The following SDK1 variants were observed in gnomAD, a reference collection of about 807,000 sequenced individuals.
The protein encoded by SDK1 is protein sidekick-1.
Under a neutral mutation model 245.5 loss-of-function variants are expected in SDK1, and 157 were observed. The observed-to-expected ratio is 0.64, with a 90% confidence interval of 0.56 to 0.73. The LOEUF is 0.73. SDK1 is among the 30% of genes least tolerant of loss of function. The probability of loss-of-function intolerance (pLI) is 0.00; values close to 1 mark genes in which losing one functional copy is unlikely to be tolerated. For synonymous variants in SDK1, 1,647 were observed against 1,278.5 expected, an observed-to-expected ratio of 1.29 and a Z score of -6.15; for missense variants, 3,583 against 3,002.3, an observed-to-expected ratio of 1.19 and a Z score of -4.52.
chr7:4,181,321 G>C (rs60726763), intron 35 of SDK1, among the ~76,000 whole-genome samples: 1 of 152,052 alleles, frequency 6.6e-6, no homozygotes, highest in Non-Finnish European at 1.5e-5. Context: ...TGCATTTACC[G>C]CATCTGGTGT....
chr7:3,470,555 A>G (rs924567136), intron 1 of SDK1, among the ~76,000 whole-genome samples: 1 of 152,216 alleles, frequency 6.6e-6, no homozygotes, highest in Non-Finnish European at 1.5e-5. Context: ...TTAGTCAGTA[A>G]GAAAACCTTG....
intron 4 of SDK1, among the ~76,000 whole-genome samples, chr7:3,791,717 A>T (rs1940279408): frequency 6.6e-6 from 1 of 152,250 alleles, no homozygotes; most frequent in Non-Finnish European, 1.5e-5. Context: ...CAGTTTGTGA[A>T]ATTGACCTTA....
intron 42 of SDK1, among the ~76,000 whole-genome samples, chr7:4,238,667 G>A (rs1401606007): frequency 6.6e-6 from 1 of 151,576 alleles, no homozygotes; most frequent in East Asian, 1.9e-4. Flanking sequence ...GCCTGCCTCA[G>A]CCTCCCCAGT....
intron 5 of SDK1, among the ~76,000 whole-genome samples, chr7:3,821,919 A>G (rs1779657011): frequency 6.6e-6 from 1 of 152,230 alleles, no homozygotes; most frequent in African/African-American, 2.4e-5. Context: ...CCATGAACCT[A>G]AATCAGGACT....
At chr7:3,798,852 T>C (rs973040510) in intron 4 of SDK1, among the ~76,000 whole-genome samples, 5 of 152,224 alleles carry the variant, frequency 3.3e-5, no homozygotes, top group Non-Finnish European at 7.3e-5. Flanking sequence ...AAATTTTGCG[T>C]AGATACTTGG....
chr7:4,073,560 T>C (rs559267516), intron 20 of SDK1, among the ~76,000 whole-genome samples: 1 of 152,302 alleles, frequency 6.6e-6, no homozygotes, highest in East Asian at 1.9e-4. Context: ...AAAAACAGCT[T>C]TTAAACAAAT....
At chr7:3,794,796 G>T (rs1778921723) in intron 4 of SDK1, among the ~76,000 whole-genome samples, 1 of 152,144 alleles carries the variant, frequency 6.6e-6, no homozygotes, top group Non-Finnish European at 1.5e-5. Flanking sequence ...ATGCATCCAT[G>T]CTCTACGTGG....
chr7:3,637,838 TGA>T (rs1782515321), intron 2 of SDK1, among the ~76,000 whole-genome samples: 1 of 152,250 alleles, frequency 6.6e-6, no homozygotes, highest in Admixed American at 6.5e-5. Flanking sequence ...TACATTGTGC[TGA>T]GAGATGTCCA....
intron 1 of SDK1, among the ~76,000 whole-genome samples, chr7:3,557,517 C>T (rs1779625607): frequency 6.6e-6 from 1 of 152,150 alleles, no homozygotes; most frequent in African/African-American, 2.4e-5. Flanking sequence ...TGGTGATGGA[C>T]ACAGGAACCC....
intron 4 of SDK1, among the ~76,000 whole-genome samples, chr7:3,649,772 C>T (rs1745716208): frequency 6.6e-6 from 1 of 152,100 alleles, no homozygotes; most frequent in Non-Finnish European, 1.5e-5. Context: ...TAAGTCCACA[C>T]CGTTCCACCG....
chr7:3,586,290 G>A (rs996337502), intron 1 of SDK1, among the ~76,000 whole-genome samples: 24 of 152,180 alleles, frequency 1.6e-4, no homozygotes, highest in Middle Eastern at 3.4e-3. Context: ...GCCCGCCCTA[G>A]GCCAGGAGTC....
intron 1 of SDK1, among the ~76,000 whole-genome samples, chr7:3,343,314 A>T (rs963213909): frequency 1.3e-5 from 2 of 152,244 alleles, no homozygotes. Context: ...GTACTTCTGT[A>T]TCATGATTAC....
intron 17 of SDK1, among the ~76,000 whole-genome samples, chr7:4,028,765 T>C (rs940713267): frequency 1.3e-5 from 2 of 152,106 alleles, no homozygotes; most frequent in Non-Finnish European, 2.9e-5. Flanking sequence ...TCAAGATGAA[T>C]GAGATTTTTG....
intron 1 of SDK1, among the ~76,000 whole-genome samples, chr7:3,589,916 G>C (rs546206969): frequency 1.3e-5 from 2 of 152,160 alleles, no homozygotes; most frequent in Non-Finnish European, 2.9e-5. Flanking sequence ...ATAACAGATG[G>C]AATATTGAGG....
chr7:3,437,378 A>G (rs1293888496), intron 1 of SDK1, among the ~76,000 whole-genome samples: 1 of 152,234 alleles, frequency 6.6e-6, no homozygotes, highest in Non-Finnish European at 1.5e-5. Context: ...TTTTAGCATA[A>G]TGTCACTAAT....
intron 1 of SDK1, among the ~76,000 whole-genome samples, chr7:3,507,414 T>G (rs1782427722): frequency 6.6e-6 from 1 of 152,184 alleles, no homozygotes; most frequent in South Asian, 2.1e-4. Flanking sequence ...TGTGCTTTTT[T>G]GGGGTAGCCA....
chr7:4,013,413 G>A (rs1444830886), intron 16 of SDK1, among the ~76,000 whole-genome samples: 1 of 152,190 alleles, frequency 6.6e-6, no homozygotes, highest in African/African-American at 2.4e-5. Flanking sequence ...GTGATATTGG[G>A]ACAAGAACAG....
chr7:3,878,259 G>A (rs977957568), intron 5 of SDK1, among the ~76,000 whole-genome samples: 7 of 152,078 alleles, frequency 4.6e-5, no homozygotes, highest in Non-Finnish European at 7.4e-5. Context: ...GGTGGCTCAC[G>A]CCTGTAATCC....
intron 2 of SDK1, among the ~76,000 whole-genome samples, chr7:3,620,040 C>A (rs1029666325): frequency 6.6e-6 from 1 of 152,210 alleles, no homozygotes; most frequent in African/African-American, 2.4e-5. Context: ...GCCTCACCAT[C>A]AGCAAATCAG....
Sources: allele counts gnomAD v4.1 joint callset (sites outside exome capture counted in the v4.1 genomes callset), GRCh38; gene constraint gnomAD v4.1.1; transcripts MANE v1.5; gene names NCBI Gene and HGNC (gene_info 2026-07-23, HGNC 2026-07-21).